ATCAY: variants seen among roughly 807,000 people sequenced by gnomAD.
The protein encoded by ATCAY is caytaxin.
In ATCAY, 22 loss-of-function variants were observed where a neutral mutation model predicts 47.7. That is an observed-to-expected ratio of 0.46 (90% confidence interval 0.33 to 0.66). ATCAY has a LOEUF of 0.66. Among genes scored for constraint, ATCAY ranks in the 30% least tolerant of loss-of-function variants. The probability of loss-of-function intolerance (pLI) is 0.02; values close to 1 mark genes in which losing one functional copy is unlikely to be tolerated. For synonymous variants in ATCAY, 216 were observed against 207.6 expected, an observed-to-expected ratio of 1.04 and a Z score of -0.35; for missense variants, 452 against 515.0, an observed-to-expected ratio of 0.88 and a Z score of 1.18.
At position 3,927,505 on chromosome 19, in the gene ATCAY, T is replaced by C. The variant is rs1395704916; in HGVS notation, c.*2913T>C. On this transcript the variant is annotated 3_prime_UTR_variant, in exon 13 of 13. Transcript: ENST00000450849. ...TTGAGTGTCTACAGCAGCAATCAAGTGACAAGTGAGGCCCTACCTGACCCA... is the reference window on the plus strand; with the variant it reads ...TTGAGTGTCTACAGCAGCAATCAAGCGACAAGTGAGGCCCTACCTGACCCA... The C allele has an allele frequency of 6.6e-6, 1 of 152,122 alleles. No individual in the cohort carries two copies. The highest frequency in any genetic ancestry group is 6.6e-5 in the Admixed American group (1 of 15,264). The allele number at this position is 152,122 out of a possible 1,614,324, so 9.4% of individuals were successfully genotyped here. A position where few individuals can be genotyped will look rare whatever the true frequency, so the allele number is the denominator to read the frequency against.
At chr19:3,908,166 C>A in intron 5 of ATCAY, 102 bp from the exon 6 acceptor site, 1 of 1,125,606 alleles carries the variant, frequency 8.9e-7, no homozygotes, top group Non-Finnish European at 1.3e-6. Flanking sequence ...GGAGCCATGC[C>A]CTCCCGAGCG....
intron 2 of ATCAY, among the ~76,000 whole-genome samples, chr19:3,900,895 C>CTTTT (rs59395284): frequency 2.3e-4 from 21 of 92,246 alleles, no homozygotes; most frequent in Non-Finnish European, 3.0e-4. Context: ...TATCCTTCAT[C>CTTTT]TTTTTTTTTT....
chr19:3,916,521 T>C (rs2038967269), intron 9 of ATCAY, among the ~76,000 whole-genome samples: 1 of 152,108 alleles, frequency 6.6e-6, no homozygotes, highest in South Asian at 2.1e-4. Context: ...TGAGACGGAG[T>C]CTCACTCTGT....
At chr19:3,902,360 A>C in intron 2 of ATCAY, 127 bp from the exon 3 acceptor site, 1 of 829,590 alleles carries the variant, frequency 1.2e-6, no homozygotes, top group Non-Finnish European at 2.0e-6. Context: ...GATTCTCCAG[A>C]ACTAAATGTG....
Position 3,907,739 on chromosome 19 carries a change from AC to A in ATCAY, c.369del (p.Val124TrpfsTer34). 1.2e-6 allele frequency: 2 copies of A among 1,613,798 alleles called. No homozygotes were observed. The highest frequency in any genetic ancestry group is 1.7e-6 in the Non-Finnish European group (2 of 1,179,832). ...NGNELEWEDD[T>X]PVATAKNMPG... ...TCTCCGCCACCTGCTTCTAGACGAC[AC>A]CCCCGTGGCCACCGCCAAGAACATG... On this transcript the variant is annotated frameshift_variant, in exon 5 of 13. Transcript: ENST00000450849. LOFTEE classifies it high-confidence loss of function. The surrounding 1 kb of genome is among the most constrained non-coding windows in gnomAD (Gnocchi z 5.1).
At chr19:3,910,947 GTGTA>G in intron 8 of ATCAY, 58 bp downstream of exon 8, 1 of 1,553,348 alleles carries the variant, frequency 6.4e-7, no homozygotes, top group Non-Finnish European at 8.9e-7. Flanking sequence ...GTGTGCGTGT[GTGTA>G]TGCATGCATT....
chr19:3,912,711 T>C (rs2038933923), intron 8 of ATCAY, among the ~76,000 whole-genome samples: 1 of 150,974 alleles, frequency 6.6e-6, no homozygotes, highest in Non-Finnish European at 1.5e-5. Flanking sequence ...AAGACCTCCA[T>C]CTCTACAAAA....
rs2038870165 is a variant in ATCAY, at chr19:3,907,321, G to C, written c.359-413G>C. On this transcript the variant is annotated intron_variant, in intron 4 of 12. Coordinates refer to ENST00000450849, the MANE Select transcript of ATCAY (RefSeq NM_033064.5). The surrounding 1 kb of genome is among the most constrained non-coding windows in gnomAD (Gnocchi z 5.1). Reference sequence around the variant, plus strand: ...TAGCTGGGTGTGGTGGTGCACAACTGTAGTCCCAGGTATCTGGGAGGCTGA... The same window carrying C: ...TAGCTGGGTGTGGTGGTGCACAACTCTAGTCCCAGGTATCTGGGAGGCTGA... Among the ~76,000 whole-genome samples the C allele has an allele frequency of 6.6e-6, 1 of 152,104 alleles. No individual in the cohort carries two copies. The highest frequency in any genetic ancestry group is 2.4e-5 in the African/African-American group (1 of 41,432).
At chr19:3,898,373 C>T (rs1286938876) in intron 2 of ATCAY, among the ~76,000 whole-genome samples, 6 of 152,092 alleles carry the variant, frequency 3.9e-5, no homozygotes, top group Admixed American at 2.0e-4. Flanking sequence ...TTAGTAGAGA[C>T]GGGCTTTCGC....
At position 3,909,555 on chromosome 19, in the gene ATCAY, G is replaced by A. The variant is rs768556456; in HGVS notation, c.717G>A (p.Thr239=). Residue 239 remains threonine, a synonymous_variant, in exon 7 of 13, where the codon ACG becomes ACA. Coordinates refer to ENST00000450849, the MANE Select transcript of ATCAY (RefSeq NM_033064.5). The part of the protein sequence containing the change: ...DYMIVYLNGA[T]PRRRMPGIGW... The stretch of plus-strand genomic sequence containing the variant: ...TGATCGTGTACCTGAACGGTGCCAC[G>A]CCCCGGCGGAGGATGCCTGGAATCG... The A allele has an allele frequency of 6.3e-5, 102 of 1,613,516 alleles. No individual in the cohort carries two copies. The highest frequency in any genetic ancestry group is 1.8e-4 in the Admixed American group (11 of 59,944).
At position 3,917,711 on chromosome 19, in the gene ATCAY, G is replaced by T. The variant is rs773741130; in HGVS notation, c.966-31G>T. On this transcript the variant is annotated intron_variant, in intron 9 of 12. Transcript: ENST00000450849. ...AAAGTATATCTCAGGGGAAAGGAAG[G>T]TTGTGTCTGACATCTTTTTCTTTCT... The T allele has an allele frequency of 1.9e-6, 3 of 1,613,000 alleles. No individual in the cohort carries two copies. In the Admixed American group the frequency reaches 5.0e-5, roughly 27 times the overall value.
intron 2 of ATCAY, among the ~76,000 whole-genome samples, chr19:3,893,191 T>G (rs1306013123): frequency 3.3e-5 from 3 of 90,490 alleles, no homozygotes; most frequent in Non-Finnish European, 7.5e-5. Flanking sequence ...TTTTTTTTTT[T>G]GAGACGGAGA....
Position 3,924,607 on chromosome 19 carries a change from A to G in ATCAY, c.*15A>G. The G allele has an allele frequency of 6.2e-7, 1 of 1,613,658 alleles. No individual in the cohort carries two copies. Among genetic ancestry groups the G allele is most frequent in the Non-Finnish European group, 8.5e-7 (1 of 1,179,736 alleles). On this transcript the variant is annotated 3_prime_UTR_variant, in exon 13 of 13. Transcript: ENST00000450849. ...GCATGTCCTGAGGCGACGTGAGCAT[A>G]ACAAAGGACATGGAAGAAGATTCCA...
chr19:3,882,200 G>A (rs761344238), intron 1 of ATCAY, among the ~76,000 whole-genome samples: 2 of 152,126 alleles, frequency 1.3e-5, no homozygotes, highest in Non-Finnish European at 2.9e-5. Context: ...TCATGTATTT[G>A]GTTTTTTTGA....
chr19:3,897,491 C>T (rs1335046944), intron 2 of ATCAY, among the ~76,000 whole-genome samples: 1 of 151,042 alleles, frequency 6.6e-6, no homozygotes, highest in East Asian at 2.0e-4. Context: ...GATGGAGTCT[C>T]GCTGTGTTGC....
chr19:3,913,850 T>C lies in ATCAY; in HGVS notation c.959T>C (p.Val320Ala). 1 of 1,612,622 alleles carries C rather than the reference T, an allele frequency of 6.2e-7. No homozygotes were observed. Among genetic ancestry groups the C allele is most frequent in the Non-Finnish European group, 8.5e-7 (1 of 1,179,094 alleles). Residue 320 changes from valine to alanine, a missense_variant, in exon 9 of 13, where the codon GTC becomes GCC. Coordinates refer to ENST00000450849, the MANE Select transcript of ATCAY (RefSeq NM_033064.5). ...PMEHVQIPDC[V>A]LQYEEERLKA... The stretch of plus-strand genomic sequence containing the variant: ...GAACACGTCCAGATCCCAGACTGCG[T>C]CCTGCAGTGAGTGGCCCCACAGTCC...
intron 9 of ATCAY, 46 bp downstream of exon 9, chr19:3,913,902 G>A (rs1252297568): frequency 6.5e-7 from 1 of 1,545,842 alleles, no homozygotes; most frequent in East Asian, 2.3e-5. Context: ...CTGTTTTCGT[G>A]CTGCTGATAA....
intron 11 of ATCAY, 40 bp downstream of exon 11, chr19:3,918,917 A>G: frequency 6.2e-7 from 1 of 1,611,304 alleles, no homozygotes; most frequent in Non-Finnish European, 8.5e-7. Context: ...GCTGACAGTC[A>G]CGGGAGGCTG....
rs565788691 is a variant in ATCAY, at chr19:3,885,830, C to T, written c.63C>T (p.Asp21=). The T allele has an allele frequency of 2.6e-6, 4 of 1,552,144 alleles. No individual in the cohort carries two copies. The highest frequency in any genetic ancestry group is 2.4e-5 in the East Asian group (1 of 40,930). Residue 21 remains aspartate, a synonymous_variant, in exon 2 of 13, where the codon GAC becomes GAT. Coordinates refer to ENST00000450849, the MANE Select transcript of ATCAY (RefSeq NM_033064.5). ...ENVDVKEEWQ[D]EDLPRPLPEE... is the part of the protein sequence containing the mutation. The stretch of plus-strand genomic sequence containing the variant: ...TGGACGTGAAGGAGGAATGGCAGGA[C>T]GAAGATCTTCCCAGGTAGGACTTCC...
Sources: gnomAD v4.1 joint callset for allele counts (sites outside exome capture counted in the v4.1 genomes callset) on GRCh38, gnomAD v4.1.1 for gene constraint, Gnocchi (gnomAD v3.1) non-coding constraint, MANE v1.5 for transcripts, NCBI Gene and HGNC (gene_info 2026-07-23, HGNC 2026-07-21) for gene names.